The following ABCD3 variants were observed in gnomAD, a reference collection of about 807,000 sequenced individuals.
ABCD3 encodes ATP-binding cassette sub-family D member 3.
A neutral mutation model predicts 105.5 loss-of-function variants in ABCD3; 41 were observed. The ratio of observed to expected loss-of-function variants is 0.39; its 90% CI spans 0.30 to 0.50. The LOEUF (loss-of-function observed/expected upper bound fraction) is 0.50, where lower values mean the gene tolerates loss of function less well. ABCD3 is among the 20% of genes least tolerant of loss of function. The pLI, the probability that ABCD3 is intolerant of heterozygous loss-of-function variation, is 0.84. For synonymous variants in ABCD3, 258 were observed against 269.0 expected, an observed-to-expected ratio of 0.96 and a Z score of 0.40; for missense variants, 622 against 806.3, an observed-to-expected ratio of 0.77 and a Z score of 2.77.
intron 7 of ABCD3, among the ~76,000 whole-genome samples, chr1:94,477,253 A>T (rs1187341381): frequency 6.7e-6 from 1 of 148,974 alleles, no homozygotes; most frequent in Non-Finnish European, 1.5e-5. Flanking sequence ...AAAAAAAAAA[A>T]AAGGAAAGGG....
At chr1:94,480,918 C>A (rs1480653504) in intron 9 of ABCD3, among the ~76,000 whole-genome samples, 1 of 152,184 alleles carries the variant, frequency 6.6e-6, no homozygotes, top group Non-Finnish European at 1.5e-5. Flanking sequence ...TGTTCCAAGA[C>A]AATTTTGTCT....
chr1:94,498,765 C>T lies in ABCD3; in HGVS notation c.1465-18C>T. 6.2e-7 allele frequency: 1 copy of T among 1,613,544 alleles called. No homozygotes were observed. Among genetic ancestry groups the T allele is most frequent in the Non-Finnish European group, 8.5e-7 (1 of 1,179,662 alleles). ...GTAAATTTTACAATTGTTCTTCTCC[C>T]TTCTCTCTCTTTAATAGTTATGGCC... On this transcript the variant is annotated intron_variant, in intron 17 of 22. Coordinates refer to ENST00000370214, the MANE Select transcript of ABCD3 (RefSeq NM_002858.4).
the ABCD3 span, among the ~76,000 whole-genome samples, chr1:94,397,959 AT>A: frequency 6.6e-6 from 1 of 152,126 alleles, no homozygotes; most frequent in Non-Finnish European, 1.5e-5. Context: ...AGATGTTCAA[AT>A]TTTTTTATTA....
At chr1:94,468,462 T>C (rs1009919490) in intron 4 of ABCD3, among the ~76,000 whole-genome samples, 1 of 152,242 alleles carries the variant, frequency 6.6e-6, no homozygotes, top group Non-Finnish European at 1.5e-5. Context: ...CATCTGGTGA[T>C]AGTGCTTTTT....
chr1:94,387,431 C>T, the ABCD3 span, among the ~76,000 whole-genome samples: 1 of 152,218 alleles, frequency 6.6e-6, no homozygotes, highest in Non-Finnish European at 1.5e-5. Flanking sequence ...CACCAGGCTA[C>T]TGACAACCTT....
At chr1:94,425,208 T>C (rs1659418726) in intron 1 of ABCD3, among the ~76,000 whole-genome samples, 1 of 152,188 alleles carries the variant, frequency 6.6e-6, no homozygotes, top group African/African-American at 2.4e-5. Context: ...TTTAAGAAAA[T>C]TAAAAATCAT....
rs542233963 is a variant in ABCD3 at position 94,514,793 on chromosome 1, A to G, written c.1846-353A>G. ...TTGAAAAGCAAGTTGACTGTCAACA[A>G]TGCTATACTGATTTAATTTTTCCTG... On this transcript the variant is annotated intron_variant, in intron 21 of 22. Coordinates refer to ENST00000370214, the MANE Select transcript of ABCD3 (RefSeq NM_002858.4). The G allele has an allele frequency of 6.1e-5, 16 of 261,740 alleles. No homozygotes were observed. In the South Asian group the frequency reaches 6.5e-4, roughly 11 times the overall value. The allele number at this position is 261,740 out of a possible 1,614,324, so 16.2% of individuals were successfully genotyped here.
chr1:94,505,116 CTTT>C (rs1244950761), intron 20 of ABCD3, among the ~76,000 whole-genome samples: 1 of 152,114 alleles, frequency 6.6e-6, no homozygotes, highest in Non-Finnish European at 1.5e-5. Flanking sequence ...GAGTTTTAGA[CTTT>C]TAACGTTTGA....
At chr1:94,507,027 A>G (rs933160468) in intron 21 of ABCD3, among the ~76,000 whole-genome samples, 3 of 152,046 alleles carry the variant, frequency 2.0e-5, no homozygotes, top group Non-Finnish European at 4.4e-5. Context: ...TTTAGGGTAC[A>G]TGTGCAAAAT....
At chr1:94,481,504 A>G (rs1463456902) in intron 9 of ABCD3, 1 of 152,248 alleles carries the variant, frequency 6.6e-6, no homozygotes, top group East Asian at 1.9e-4. Flanking sequence ...GGCTCCAGTA[A>G]TAAGAACACT....
chr1:94,493,071 G>A (rs1649610309), intron 16 of ABCD3, among the ~76,000 whole-genome samples: 1 of 151,856 alleles, frequency 6.6e-6, no homozygotes, highest in African/African-American at 2.4e-5. Context: ...AAAAGCAATG[G>A]CAACAAAAGC....
chr1:94,418,050 G>T (rs1268730792), upstream of ABCD3, among the ~76,000 whole-genome samples: 1 of 152,186 alleles, frequency 6.6e-6, no homozygotes, highest in Non-Finnish European at 1.5e-5. Flanking sequence ...GGAGTGGAGA[G>T]GCAGGGCCCA....
intron 7 of ABCD3, 74 bp downstream of exon 7, chr1:94,475,811 A>G (rs1648710745): frequency 8.0e-7 from 1 of 1,254,832 alleles, no homozygotes; most frequent in African/African-American, 1.5e-5. Context: ...TTTATATAGA[A>G]TTGATTTTGT....
chr1:94,446,926 A>C (rs1660370177), intron 1 of ABCD3, among the ~76,000 whole-genome samples: 1 of 152,246 alleles, frequency 6.6e-6, no homozygotes, highest in African/African-American at 2.4e-5. Flanking sequence ...GGGGAGCAAA[A>C]GTTCTAATTC....
intron 16 of ABCD3, among the ~76,000 whole-genome samples, chr1:94,496,307 T>G (rs556498702): frequency 6.6e-6 from 1 of 152,184 alleles, no homozygotes; most frequent in Non-Finnish European, 1.5e-5. Flanking sequence ...ATTTGACTGC[T>G]CTAGGAATCA....
chr1:94,470,203 G>A (rs1016352382), intron 4 of ABCD3, among the ~76,000 whole-genome samples: 2 of 152,094 alleles, frequency 1.3e-5, no homozygotes, highest in African/African-American at 4.8e-5. Context: ...ATACTTGATT[G>A]ATAATTTAGC....
intron 21 of ABCD3, among the ~76,000 whole-genome samples, chr1:94,512,900 AAG>A (rs993484426): frequency 9.9e-5 from 15 of 152,210 alleles, no homozygotes; most frequent in African/African-American, 3.6e-4. Context: ...ATAAATAAAA[AAG>A]GTCATATTGA....
At chr1:94,441,322 C>T (rs1660126324) in intron 1 of ABCD3, among the ~76,000 whole-genome samples, 1 of 152,156 alleles carries the variant, frequency 6.6e-6, no homozygotes, top group East Asian at 1.9e-4. Context: ...GTTTCACATA[C>T]TACTTTGGCA....
intron 1 of ABCD3, among the ~76,000 whole-genome samples, chr1:94,438,345 A>C (rs970370626): frequency 2.1e-4 from 23 of 108,964 alleles, no homozygotes; most frequent in African/African-American, 6.5e-4. Flanking sequence ...CACACACACA[A>C]ACTTGAAAGG....
Sources: allele counts gnomAD v4.1 joint callset (sites outside exome capture counted in the v4.1 genomes callset), GRCh38; gene constraint gnomAD v4.1.1; transcripts MANE v1.5; gene names NCBI Gene and HGNC (gene_info 2026-07-23, HGNC 2026-07-21).